GPD1L: variants seen among roughly 807,000 people sequenced by gnomAD.
GPD1L encodes glycerol-3-phosphate dehydrogenase 1-like protein.
GPD1L carries 17 observed loss-of-function variants against 32.9 expected under a neutral mutation model. The observed-to-expected ratio is 0.52, with a 90% CI of 0.35 to 0.78. The LOEUF is 0.78. Ranked by LOEUF, GPD1L falls within the 30% of genes least tolerant of loss-of-function variation. The pLI is 0.01. For synonymous variants in GPD1L, 187 were observed against 165.9 expected (o/e 1.13, Z -0.98); for missense variants, 361 against 447.8 (o/e 0.81, Z 1.75).
rs755528835 is a variant in GPD1L at position 32,125,849 on chromosome 3, G to C, written c.48-2227G>C. 6.3e-4 allele frequency among the ~76,000 whole-genome samples: 96 copies of C among 152,342 alleles called. 1 individual carries two copies. Among genetic ancestry groups the C allele is most frequent in the Non-Finnish European group, 1.2e-3 (83 of 68,024 alleles). ...TGATGACTGAGATAAATGAGTGAAT[G>C]ACTGAAATTATTGATGAAACCAGGA... On this transcript the variant is annotated intron_variant, in intron 1 of 7. Transcript: ENST00000282541.
At chr3:32,138,445 C>A in intron 2 of GPD1L, 142 bp from the exon 3 acceptor site, 1 of 846,052 alleles carries the variant, frequency 1.2e-6, no homozygotes, top group Non-Finnish European at 2.0e-6. Context: ...GAAGGCAAAG[C>A]AAACACACTT....
At chr3:32,157,023 T>G (rs899824146) in intron 5 of GPD1L, among the ~76,000 whole-genome samples, 9 of 152,094 alleles carry the variant, frequency 5.9e-5, no homozygotes, top group Admixed American at 2.0e-4. Context: ...GTGTTCTTGG[T>G]GAAGGAGCTG....
At chr3:32,147,963 A>G (rs1700857027) in intron 5 of GPD1L, among the ~76,000 whole-genome samples, 1 of 152,222 alleles carries the variant, frequency 6.6e-6, no homozygotes, top group African/African-American at 2.4e-5. Flanking sequence ...ACACATGCAT[A>G]TTTCTAAGCG....
chr3:32,125,309 A>G (rs1001105142), intron 1 of GPD1L, among the ~76,000 whole-genome samples: 1 of 152,172 alleles, frequency 6.6e-6, no homozygotes, highest in African/African-American at 2.4e-5. Context: ...ACTCTCCCCT[A>G]ACTCAGCTGC....
intron 1 of GPD1L, among the ~76,000 whole-genome samples, chr3:32,114,338 G>T (rs1700296778): frequency 6.6e-6 from 1 of 152,210 alleles, no homozygotes; most frequent in South Asian, 2.1e-4. Context: ...AACTTAATAG[G>T]CACTTTTCAA....
intron 1 of GPD1L, among the ~76,000 whole-genome samples, chr3:32,121,625 T>C (rs867474215): frequency 6.3e-5 from 4 of 63,622 alleles, no homozygotes; most frequent in Non-Finnish European, 9.8e-5. Context: ...CTATATATAT[T>C]ATATATATTT....
chr3:32,140,502 G>T, intron 4 of GPD1L, 136 bp downstream of exon 4: 1 of 1,018,496 alleles, frequency 9.8e-7, no homozygotes. Flanking sequence ...ATTCAGTGGG[G>T]CGAGGGTTTT....
intron 7 of GPD1L, among the ~76,000 whole-genome samples, chr3:32,162,514 T>G (rs1201313751): frequency 2.5e-5 from 3 of 118,916 alleles, no homozygotes; most frequent in Non-Finnish European, 5.0e-5. Flanking sequence ...GCCTCCCCAG[T>G]AGCTGGGACT....
intron 1 of GPD1L, among the ~76,000 whole-genome samples, chr3:32,127,130 G>T (rs1222066169): frequency 1.3e-5 from 2 of 152,094 alleles, no homozygotes; most frequent in Non-Finnish European, 2.9e-5. Flanking sequence ...CCCGCCTTTT[G>T]TTGTCACCCC....
Position 32,140,247 on chromosome 3 carries a change from A to G in GPD1L, c.386A>G (p.Glu129Gly). The change falls in exon 4 of 8, where the codon GAG becomes GGG. Residue 129 changes from glutamate (E) to glycine (G), a missense_variant. By Grantham distance (98) the Glu-to-Gly change is moderately conservative. Coordinates refer to ENST00000282541, the MANE Select transcript of GPD1L (RefSeq NM_015141.4). The stretch of plus-strand genomic sequence containing the variant: ...TTGTAGGGCATAGACGAGGGCCCCG[A>G]GGGGCTGAAGCTCATTTCTGACATC... ...TLIKGIDEGPEGLKLISDIIR... is the reference protein window; with the variant it reads ...TLIKGIDEGPGGLKLISDIIR... 1 of 1,614,000 alleles carries G rather than the reference A, an allele frequency of 6.2e-7. No homozygotes were observed. Among genetic ancestry groups the G allele is most frequent in the Non-Finnish European group, 8.5e-7 (1 of 1,179,950 alleles).
intron 4 of GPD1L, among the ~76,000 whole-genome samples, chr3:32,141,670 A>G (rs1016848093): frequency 9.2e-5 from 14 of 152,222 alleles, no homozygotes; most frequent in Non-Finnish European, 2.9e-5. Flanking sequence ...AGTGATACAG[A>G]CACAGGTTTA....
chr3:32,139,297 C>A (rs1486743012), intron 3 of GPD1L, among the ~76,000 whole-genome samples: 1 of 152,150 alleles, frequency 6.6e-6, no homozygotes, highest in Non-Finnish European at 1.5e-5. Flanking sequence ...CAATAGGAGT[C>A]GCAGGGCTTT....
intron 2 of GPD1L, among the ~76,000 whole-genome samples, chr3:32,133,742 G>A (rs1700619534): frequency 6.6e-6 from 1 of 152,282 alleles, no homozygotes; most frequent in African/African-American, 2.4e-5. Flanking sequence ...ATGAAAGTGA[G>A]GTCTTTTTCT....
At chr3:32,107,739 G>C (rs1461698979) in intron 1 of GPD1L, among the ~76,000 whole-genome samples, 1 of 152,188 alleles carries the variant, frequency 6.6e-6, no homozygotes, top group Non-Finnish European at 1.5e-5. Context: ...ACTTGGCCCA[G>C]AAAGTACTTA....
intron 1 of GPD1L, among the ~76,000 whole-genome samples, chr3:32,110,299 C>A (rs1232320553): frequency 1.3e-5 from 2 of 152,184 alleles, no homozygotes; most frequent in East Asian, 3.9e-4. Flanking sequence ...AATCATATCC[C>A]CTGAGAATGA....
At chr3:32,141,825 G>T (rs1700748646) in intron 4 of GPD1L, among the ~76,000 whole-genome samples, 1 of 152,024 alleles carries the variant, frequency 6.6e-6, no homozygotes, top group African/African-American at 2.4e-5. Flanking sequence ...AGATTCGGGG[G>T]TACATGTGCA....
intron 3 of GPD1L, among the ~76,000 whole-genome samples, chr3:32,139,012 C>T (rs1480641157): frequency 1.3e-5 from 2 of 152,098 alleles, no homozygotes; most frequent in Non-Finnish European, 2.9e-5. Context: ...TGGAAAGCAC[C>T]AGCAGTTTGA....
At chr3:32,144,648 G>A (rs1700794191) in intron 4 of GPD1L, among the ~76,000 whole-genome samples, 1 of 152,014 alleles carries the variant, frequency 6.6e-6, no homozygotes, top group Admixed American at 6.6e-5. Flanking sequence ...CTGAGTCCCT[G>A]CTTGCCATGT....
At chr3:32,149,812 G>A (rs991116708) in intron 5 of GPD1L, among the ~76,000 whole-genome samples, 1 of 152,142 alleles carries the variant, frequency 6.6e-6, no homozygotes, top group African/African-American at 2.4e-5. Flanking sequence ...AGCTGGGCGT[G>A]GTGGTGTGTG....
Sources: allele counts gnomAD v4.1 joint callset (sites outside exome capture counted in the v4.1 genomes callset), GRCh38; gene constraint gnomAD v4.1.1; transcripts MANE v1.5; gene names NCBI Gene and HGNC (gene_info 2026-07-23, HGNC 2026-07-21).